The following PANK1 variants were observed in gnomAD, a reference collection of about 807,000 sequenced individuals.
PANK1 encodes the protein pantothenate kinase 1.
PANK1 carries 18 observed loss-of-function variants against 40.1 expected under a neutral mutation model. That is an observed-to-expected ratio of 0.45 (90% confidence interval 0.31 to 0.67). The LOEUF (loss-of-function observed/expected upper bound fraction) is 0.67. Ranked by LOEUF, PANK1 falls within the 30% of genes least tolerant of loss-of-function variation. PANK1 has a pLI of 0.06. For missense variants in PANK1, 457 were observed against 599.6 expected (o/e 0.76, Z 2.48); for synonymous variants, 242 against 237.7 (o/e 1.02, Z -0.17).
At chr10:89,625,321 G>C (rs730204) in intron 1 of PANK1, among the ~76,000 whole-genome samples, 99,598 of 152,102 alleles carry the variant, frequency 0.65, 33,015 homozygotes, top group East Asian at 0.83. Flanking sequence ...GGCAGGTGTT[G>C]CCATTCCCAG....
chr10:89,638,876 CT>C (rs1163775141), intron 1 of PANK1, among the ~76,000 whole-genome samples: 1 of 152,240 alleles, frequency 6.6e-6, no homozygotes, highest in African/African-American at 2.4e-5. Context: ...CTCTCCTCCT[CT>C]TCTCAGCCTT....
chr10:89,584,857 G>C (rs1011714263), intron 6 of PANK1, among the ~76,000 whole-genome samples: 2 of 152,154 alleles, frequency 1.3e-5, no homozygotes, highest in African/African-American at 4.8e-5. Flanking sequence ...AAATCTGTCT[G>C]ACTTTAAAGC....
Position 89,607,997 on chromosome 10 carries a change from A to G in PANK1, c.645+3699T>C, listed in dbSNP as rs1476270188. Among the ~76,000 whole-genome samples, 4 of 151,116 alleles carry G rather than the reference A, an allele frequency of 2.6e-5. No homozygotes were observed. In the South Asian group the frequency reaches 8.4e-4, roughly 32 times the overall value. On this transcript the variant is annotated intron_variant, in intron 2 of 6. Coordinates refer to ENST00000307534, the MANE Select transcript of PANK1 (RefSeq NM_148977.3). ...TTGATTTTGAAGGCTAGTTTTTGCC[A>G]GTCAAAAATTTGGTTATGACAATGA...
intron 2 of PANK1, among the ~76,000 whole-genome samples, chr10:89,607,533 T>C (rs1845004382): frequency 6.6e-6 from 1 of 152,206 alleles, no homozygotes; most frequent in African/African-American, 2.4e-5. Flanking sequence ...GTGGTGCCAA[T>C]AGACTTGCTC....
At chr10:89,620,547 C>A (rs1359639617) in intron 1 of PANK1, among the ~76,000 whole-genome samples, 2 of 152,208 alleles carry the variant, frequency 1.3e-5, no homozygotes, top group Admixed American at 6.5e-5. Flanking sequence ...GCTCTCGAAC[C>A]CTATTTCCTG....
chr10:89,637,864 G>A lies in PANK1; in HGVS notation c.292+6736C>T, dbSNP rs140038915. Among the ~76,000 whole-genome samples the A allele has an allele frequency of 1.8e-4, 27 of 151,820 alleles. No homozygotes were observed. The East Asian group carries it at 5.0e-3, about 28-fold the overall frequency. ...GCTTAAAACACAAACATATTGTATAGGTGTACAAAAATATTTTCTTTATAT... is the reference window on the plus strand; with the variant it reads ...GCTTAAAACACAAACATATTGTATAAGTGTACAAAAATATTTTCTTTATAT... On this transcript the variant is annotated intron_variant, in intron 1 of 6. Coordinates refer to ENST00000307534, the MANE Select transcript of PANK1 (RefSeq NM_148977.3).
chr10:89,615,011 C>T (rs959056297), intron 1 of PANK1, among the ~76,000 whole-genome samples: 2 of 151,896 alleles, frequency 1.3e-5, no homozygotes, highest in East Asian at 1.9e-4. Context: ...ATTATATGAG[C>T]CTGTAGAAAA....
chr10:89,610,091 G>A (rs1845106315), intron 2 of PANK1, among the ~76,000 whole-genome samples: 1 of 152,182 alleles, frequency 6.6e-6, no homozygotes, highest in South Asian at 2.1e-4. Flanking sequence ...ACTGCTAGAA[G>A]CTTTTGATCT....
chr10:89,588,592 T>C (rs569073287), intron 6 of PANK1, 60 bp downstream of exon 6: 4 of 1,391,054 alleles, frequency 2.9e-6, no homozygotes, highest in East Asian at 2.5e-5. Flanking sequence ...CCTGCTGATA[T>C]GTTAGCCAAA....
intron 2 of PANK1, among the ~76,000 whole-genome samples, chr10:89,608,655 C>T (rs1845052579): frequency 6.6e-6 from 1 of 152,198 alleles, no homozygotes; most frequent in African/African-American, 2.4e-5. Context: ...TCAAATAAAT[C>T]ACACAGATGG....
Position 89,605,063 on chromosome 10 carries a change from T to TAA in PANK1, c.646-5560_646-5559dup, listed in dbSNP as rs760265414. On this transcript the variant is annotated intron_variant, in intron 2 of 6. Transcript: ENST00000307534. ...ACCAAGCCCAGCCTAGCATTATGTC[T>TAA]AAAAAAAAAAAAAAAGGACATACCT... Among the ~76,000 whole-genome samples the TAA allele has an allele frequency of 1.3e-3, 173 of 133,200 alleles. 1 individual carries two copies. The highest frequency in any genetic ancestry group is 4.4e-3 in the African/African-American group (163 of 37,260). 87.4% of individuals were successfully genotyped at this position (133,200 alleles called of 152,430 possible).
At chr10:89,601,996 A>T (rs1281001543) in intron 2 of PANK1, among the ~76,000 whole-genome samples, 1 of 152,212 alleles carries the variant, frequency 6.6e-6, no homozygotes, top group African/African-American at 2.4e-5. Context: ...CCTGCACATA[A>T]TAATTGCTTA....
At chr10:89,588,537 G>A (rs1844272795) in intron 6 of PANK1, 115 bp downstream of exon 6, 1 of 737,592 alleles carries the variant, frequency 1.4e-6, no homozygotes, top group African/African-American at 1.8e-5. Flanking sequence ...AATGCAAAGT[G>A]TAAATGGCAA....
Position 89,637,966 on chromosome 10 carries a change from A to G in PANK1, c.292+6634T>C, listed in dbSNP as rs1841869540. 4.6e-5 allele frequency among the ~76,000 whole-genome samples: 7 copies of G among 152,050 alleles called. No homozygotes were observed. The South Asian group carries it at 1.4e-3, about 31-fold the overall frequency. ...TACTTTTTAAACTTATTTGTTAAAA[A>G]CAAAGATGCAAACACACACATTAAC... On this transcript the variant is annotated intron_variant, in intron 1 of 6. Transcript: ENST00000307534.
chr10:89,616,838 T>G (rs1845334657), intron 1 of PANK1, among the ~76,000 whole-genome samples: 1 of 151,960 alleles, frequency 6.6e-6, no homozygotes, highest in African/African-American at 2.4e-5. Context: ...GGAGAATCGC[T>G]TGAACTCAGG....
At position 89,645,025 on chromosome 10, in the gene PANK1, T is replaced by C. The variant is rs1359907862; in HGVS notation, c.-134A>G. 2 of 1,566,616 alleles carry C rather than the reference T, an allele frequency of 1.3e-6. No homozygotes were observed. The highest frequency in any genetic ancestry group is 1.7e-6 in the Non-Finnish European group (2 of 1,160,368). ...CAGCCGCAGAGCCGGCGCCTGGGGA[T>C]GGCGAACCCGGCGCTCCTCCCCTCC... On this transcript the variant is annotated 5_prime_UTR_variant, in exon 1 of 7. Coordinates refer to ENST00000307534, the MANE Select transcript of PANK1 (RefSeq NM_148977.3).
intron 1 of PANK1, 108 bp downstream of exon 1, chr10:89,644,492 G>A: frequency 1.0e-6 from 1 of 971,426 alleles, no homozygotes; most frequent in Non-Finnish European, 1.5e-6. Flanking sequence ...GACCGCAGAC[G>A]CGGGGGCGCA....
At chr10:89,633,437 C>A (rs557147674) in intron 1 of PANK1, among the ~76,000 whole-genome samples, 1 of 152,142 alleles carries the variant, frequency 6.6e-6, no homozygotes, top group African/African-American at 2.4e-5. Flanking sequence ...AGGATAAGAC[C>A]TTCCATAAAA....
intron 1 of PANK1, among the ~76,000 whole-genome samples, chr10:89,630,286 G>A (rs553758583): frequency 6.2e-4 from 94 of 152,280 alleles, no homozygotes; most frequent in African/African-American, 2.1e-3. Flanking sequence ...TGAAAAATGA[G>A]TTAATCCAGC....
Sources: allele counts gnomAD v4.1 joint callset (sites outside exome capture counted in the v4.1 genomes callset), GRCh38; gene constraint gnomAD v4.1.1; transcripts MANE v1.5; gene names NCBI Gene and HGNC (gene_info 2026-07-23, HGNC 2026-07-21).